Variants in MGAT4C observed in about 807,000 individuals in gnomAD.
MGAT4C encodes the protein MGAT4 family member C.
Under a neutral mutation model 40.1 loss-of-function variants are expected in MGAT4C, and 19 were observed. The observed-to-expected ratio is 0.47, with a 90% CI of 0.33 to 0.70. The LOEUF is 0.70. Ranked by LOEUF, MGAT4C falls within the 30% of genes least tolerant of loss-of-function variation. MGAT4C has a pLI of 0.02. For synonymous variants in MGAT4C, 181 were observed against 187.1 expected (o/e 0.97, Z 0.27); for missense variants, 491 against 563.2 (o/e 0.87, Z 1.30).
At chr12:86,190,598 T>G (rs1217711755) in intron 1 of MGAT4C, among the ~76,000 whole-genome samples, 3 of 152,118 alleles carry the variant, frequency 2.0e-5, no homozygotes, top group Non-Finnish European at 4.4e-5. Context: ...TGGCTTGAAT[T>G]TGCAATAGCA....
chr12:86,833,851 T>TC (rs903888349), intron 1 of MGAT4C, among the ~76,000 whole-genome samples: 6 of 151,824 alleles, frequency 4.0e-5, no homozygotes, highest in Admixed American at 1.3e-4. Context: ...ACCAGTAGTT[T>TC]CCTAGTGCCT....
At chr12:86,604,595 A>C (rs1961978473) in intron 2 of MGAT4C, among the ~76,000 whole-genome samples, 1 of 152,114 alleles carries the variant, frequency 6.6e-6, no homozygotes. Flanking sequence ...CATAAACTAC[A>C]CACTCATTCT....
rs71076158 is a variant in MGAT4C at position 86,072,026 on chromosome 12, T to TTGTGTGTGTGTGTG, written c.-56-22317_-56-22304dup. On this transcript the variant is annotated intron_variant, in intron 1 of 4. Transcript: ENST00000611864. The stretch of plus-strand genomic sequence containing the variant: ...TAAGTAGCAGTTAATGCATAGGGTT[T>TTGTGTGTGTGTGTG]TGTGTGTGTGTGTGTGTGTGTGTGT... 3.3e-3 allele frequency among the ~76,000 whole-genome samples: 486 copies of TTGTGTGTGTGTGTG among 149,054 alleles called. 2 individuals are homozygous for TTGTGTGTGTGTGTG. The highest frequency in any genetic ancestry group is 0.012 in the African/African-American group (471 of 40,436).
chr12:86,779,821 G>A (rs1951807822), intron 1 of MGAT4C, among the ~76,000 whole-genome samples: 1 of 152,030 alleles, frequency 6.6e-6, no homozygotes. Flanking sequence ...GCTGAGGCAG[G>A]AGAATGGCGT....
At chr12:86,098,473 A>G (rs1308373493) in intron 1 of MGAT4C, among the ~76,000 whole-genome samples, 1 of 151,648 alleles carries the variant, frequency 6.6e-6, no homozygotes, top group Non-Finnish European at 1.5e-5. Context: ...TGGCACCATC[A>G]TATATTGGCT....
chr12:86,651,687 T>C (rs931134296), intron 2 of MGAT4C, among the ~76,000 whole-genome samples: 5 of 151,834 alleles, frequency 3.3e-5, no homozygotes, highest in African/African-American at 9.7e-5. Context: ...CTTCCAACAA[T>C]TGTATTTTCT....
At chr12:86,756,383 A>G (rs1335667014) in intron 1 of MGAT4C, among the ~76,000 whole-genome samples, 1 of 151,940 alleles carries the variant, frequency 6.6e-6, no homozygotes, top group African/African-American at 2.4e-5. Context: ...CTGTCTTCTA[A>G]TATCACAACC....
chr12:86,710,009 C>T (rs1401050353), intron 2 of MGAT4C, among the ~76,000 whole-genome samples: 1 of 152,010 alleles, frequency 6.6e-6, no homozygotes, highest in Non-Finnish European at 1.5e-5. Flanking sequence ...TATTGTCCTT[C>T]AAATAAAGGT....
intron 1 of MGAT4C, among the ~76,000 whole-genome samples, chr12:86,248,545 G>A (rs1952138082): frequency 6.6e-6 from 1 of 152,072 alleles, no homozygotes; most frequent in Non-Finnish European, 1.5e-5. Flanking sequence ...AGAATGCTCT[G>A]AGAGTTAATA....
intron 2 of MGAT4C, among the ~76,000 whole-genome samples, chr12:86,038,667 G>A (rs773537165): frequency 2.7e-5 from 4 of 148,934 alleles, no homozygotes; most frequent in Non-Finnish European, 4.5e-5. Flanking sequence ...ACAGCACACC[G>A]ATGGGTCTTG....
chr12:86,089,073 A>G (rs909405413), intron 1 of MGAT4C, among the ~76,000 whole-genome samples: 4 of 151,984 alleles, frequency 2.6e-5, no homozygotes, highest in African/African-American at 7.2e-5. Flanking sequence ...ACTAACATAG[A>G]TGAATCACAG....
intron 1 of MGAT4C, among the ~76,000 whole-genome samples, chr12:86,797,521 A>G (rs752856061): frequency 1.3e-5 from 2 of 151,888 alleles, no homozygotes; most frequent in Non-Finnish European, 1.5e-5. Context: ...AATACCCCAG[A>G]AGGATTTGCC....
intron 2 of MGAT4C, among the ~76,000 whole-genome samples, chr12:86,509,163 C>T (rs1273066421): frequency 3.3e-5 from 5 of 151,778 alleles, no homozygotes; most frequent in East Asian, 1.9e-4. Flanking sequence ...AGTAATGCCT[C>T]GGTTTTCTTC....
intron 2 of MGAT4C, among the ~76,000 whole-genome samples, chr12:86,600,688 C>T (rs1321047408): frequency 6.6e-6 from 1 of 152,232 alleles, no homozygotes; most frequent in Non-Finnish European, 1.5e-5. Context: ...GAGGAAGGCT[C>T]GGCCAGGGCT....
chr12:86,087,857 T>C (rs933351130), intron 1 of MGAT4C, among the ~76,000 whole-genome samples: 1 of 151,892 alleles, frequency 6.6e-6, no homozygotes, highest in East Asian at 1.9e-4. Context: ...AACGATACTC[T>C]TCACAAAAAT....
intron 3 of MGAT4C, among the ~76,000 whole-genome samples, chr12:86,353,199 A>C (rs1188908444): frequency 6.6e-6 from 1 of 152,004 alleles, no homozygotes; most frequent in Non-Finnish European, 1.5e-5. Context: ...CTCTACAGTA[A>C]AGCCTCAAAA....
chr12:86,350,411 G>A (rs1224251425), intron 3 of MGAT4C, among the ~76,000 whole-genome samples: 2 of 152,090 alleles, frequency 1.3e-5, no homozygotes, highest in African/African-American at 4.8e-5. Context: ...GTACAAGGCA[G>A]GTGTGCAATA....
chr12:86,190,183 A>G (rs1889221354), intron 1 of MGAT4C, among the ~76,000 whole-genome samples: 1 of 152,110 alleles, frequency 6.6e-6, no homozygotes, highest in Admixed American at 6.6e-5. Context: ...TAACAATATT[A>G]TAGGGTTGAT....
chr12:86,594,621 C>T (rs958589266), intron 2 of MGAT4C, among the ~76,000 whole-genome samples: 53 of 152,098 alleles, frequency 3.5e-4, no homozygotes, highest in African/African-American at 1.2e-3. Context: ...GAAATTATTT[C>T]GCCAATTAAA....
Sources: gnomAD v4.1 joint callset for allele counts (sites outside exome capture counted in the v4.1 genomes callset) on GRCh38, gnomAD v4.1.1 for gene constraint, MANE v1.5 for transcripts, NCBI Gene and HGNC (gene_info 2026-07-23, HGNC 2026-07-21) for gene names.